Variants in PLCB1 observed in about 807,000 individuals in gnomAD.
The protein encoded by PLCB1 is 1-phosphatidylinositol 4,5-bisphosphate phosphodiesterase beta-1.
PLCB1 carries 46 observed loss-of-function variants against 161.8 expected under a neutral mutation model. That is an observed-to-expected ratio of 0.28 (90% confidence interval 0.22 to 0.36). The LOEUF (loss-of-function observed/expected upper bound fraction) is 0.36. Among genes scored for constraint, PLCB1 ranks in the 10% least tolerant of loss-of-function variants. The pLI, the probability that PLCB1 is intolerant of heterozygous loss-of-function variation, is 1.00. For missense variants in PLCB1, 1,016 were observed against 1,472.5 expected (o/e 0.69, Z 5.07); for synonymous variants, 517 against 503.7 (o/e 1.03, Z -0.35).
chr20:8,417,814 A>G (rs999023034), intron 3 of PLCB1, among the ~76,000 whole-genome samples: 1 of 152,212 alleles, frequency 6.6e-6, no homozygotes, highest in African/African-American at 2.4e-5. Flanking sequence ...CCAAATGTCC[A>G]TCTTGTACTT....
At chr20:8,622,736 T>G (rs1206584197) in intron 3 of PLCB1, among the ~76,000 whole-genome samples, 2 of 138,288 alleles carry the variant, frequency 1.4e-5, no homozygotes, top group Non-Finnish European at 3.1e-5. Context: ...TGCAATCATC[T>G]CCAAAATAAA....
At chr20:8,217,016 A>G (rs1364552996) in intron 2 of PLCB1, among the ~76,000 whole-genome samples, 1 of 152,014 alleles carries the variant, frequency 6.6e-6, no homozygotes, top group Non-Finnish European at 1.5e-5. Flanking sequence ...GTGCTTTGTC[A>G]CTCACCTTCT....
In PLCB1 at chr20:8,700,158, G is replaced by T. The variant is rs138683342; in HGVS notation, c.1167+2375G>T. On this transcript the variant is annotated intron_variant, in intron 11 of 31. Transcript: ENST00000338037. ...GATGGATGATGATGCTCCTGGAATG[G>T]CAGACAGCACGCCCTGATGGAGCTG... 5.4e-3 allele frequency among the ~76,000 whole-genome samples: 816 copies of T among 152,302 alleles called. 11 individuals are homozygous for T. The highest frequency in any genetic ancestry group is 0.019 in the African/African-American group (780 of 41,556).
chr20:8,471,803 GT>G (rs1982065907), intron 3 of PLCB1, among the ~76,000 whole-genome samples: 1 of 152,070 alleles, frequency 6.6e-6, no homozygotes, highest in Non-Finnish European at 1.5e-5. Context: ...AGCTGGGTAA[GT>G]TTCTCTCTTT....
rs1024970792 is a variant in PLCB1 at position 8,349,471 on chromosome 20, G to A, written c.178-21911G>A. 3.1e-4 allele frequency among the ~76,000 whole-genome samples: 47 copies of A among 152,304 alleles called. 1 individual carries two copies. Among genetic ancestry groups the A allele is most frequent in the Non-Finnish European group, 4.6e-4 (31 of 68,018 alleles). On this transcript the variant is annotated intron_variant, in intron 2 of 31. Transcript: ENST00000338037. Reference sequence around the variant, plus strand: ...TGTTTTCAGGAAAATTGTGCAATTAGTGTCTGAATTTATTCTATGAAGAGT... The same window carrying A: ...TGTTTTCAGGAAAATTGTGCAATTAATGTCTGAATTTATTCTATGAAGAGT...
chr20:8,593,746 C>A (rs887537062), intron 3 of PLCB1, among the ~76,000 whole-genome samples: 1 of 151,676 alleles, frequency 6.6e-6, no homozygotes, highest in African/African-American at 2.4e-5. Context: ...AAGAATGTAT[C>A]ATTTTATATA....
intron 3 of PLCB1, among the ~76,000 whole-genome samples, chr20:8,519,092 G>C (rs1372117945): frequency 6.6e-6 from 1 of 152,106 alleles, no homozygotes; most frequent in African/African-American, 2.4e-5. Flanking sequence ...GTGCAGCCTG[G>C]TTCTTAGCAG....
chr20:8,673,059 C>T (rs1007704641), intron 9 of PLCB1, among the ~76,000 whole-genome samples: 12 of 151,902 alleles, frequency 7.9e-5, no homozygotes, highest in Non-Finnish European at 1.5e-4. Context: ...TTGCAGTGAG[C>T]CGAGATCGTG....
intron 2 of PLCB1, among the ~76,000 whole-genome samples, chr20:8,323,063 C>G (rs1568631827): frequency 6.6e-6 from 1 of 152,140 alleles, no homozygotes; most frequent in Non-Finnish European, 1.5e-5. Flanking sequence ...CTATAAATCT[C>G]AGTTAACTGA....
At chr20:8,143,607 C>G (rs1360581356) in intron 1 of PLCB1, among the ~76,000 whole-genome samples, 1 of 152,090 alleles carries the variant, frequency 6.6e-6, no homozygotes, top group Non-Finnish European at 1.5e-5. Context: ...GAAGGTTTCC[C>G]TGGAAAATTC....
chr20:8,250,337 C>G (rs1981072317), intron 2 of PLCB1, among the ~76,000 whole-genome samples: 1 of 151,902 alleles, frequency 6.6e-6, no homozygotes, highest in Admixed American at 6.6e-5. Context: ...GAGAAAATCA[C>G]TTAATAATCA....
chr20:8,361,528 G>A (rs1986541823), intron 2 of PLCB1, among the ~76,000 whole-genome samples: 1 of 152,054 alleles, frequency 6.6e-6, no homozygotes, highest in Non-Finnish European at 1.5e-5. Flanking sequence ...TTGAACCAGA[G>A]AATTTGCATT....
At chr20:8,466,782 A>C (rs909188850) in intron 3 of PLCB1, among the ~76,000 whole-genome samples, 1 of 152,048 alleles carries the variant, frequency 6.6e-6, no homozygotes, top group African/African-American at 2.4e-5. Context: ...CCCCAATTTC[A>C]TGTCATGCAT....
intron 31 of PLCB1, among the ~76,000 whole-genome samples, chr20:8,804,852 G>T (rs113901440): frequency 1.3e-5 from 2 of 151,898 alleles, no homozygotes; most frequent in African/African-American, 4.8e-5. Context: ...TTAGCCGGGC[G>T]TGGTGGCAGG....
At chr20:8,836,685 A>C (rs1284516299) in intron 31 of PLCB1, among the ~76,000 whole-genome samples, 1 of 152,232 alleles carries the variant, frequency 6.6e-6, no homozygotes, top group Non-Finnish European at 1.5e-5. Context: ...CTCCTAATCA[A>C]CCACTTATAA....
intron 2 of PLCB1, among the ~76,000 whole-genome samples, chr20:8,239,092 C>A (rs1004679806): frequency 5.9e-5 from 9 of 151,816 alleles, no homozygotes; most frequent in Non-Finnish European, 1.3e-4. Flanking sequence ...TAAGTGAAAG[C>A]AGGAGGAGAT....
At chr20:8,746,982 GT>G (rs1349171327) in intron 23 of PLCB1, among the ~76,000 whole-genome samples, 1 of 152,150 alleles carries the variant, frequency 6.6e-6, no homozygotes. Context: ...TTGGAGCACA[GT>G]TTAACAAGCA....
At chr20:8,530,482 TA>T (rs1247516628) in intron 3 of PLCB1, among the ~76,000 whole-genome samples, 1 of 151,966 alleles carries the variant, frequency 6.6e-6, no homozygotes, top group Admixed American at 6.6e-5. Context: ...TTTGTATCTA[TA>T]AAAAAAGGAG....
intron 24 of PLCB1, among the ~76,000 whole-genome samples, chr20:8,759,719 C>CTT (rs1189567127): frequency 6.6e-6 from 1 of 151,846 alleles, no homozygotes; most frequent in African/African-American, 2.4e-5. Flanking sequence ...AGGCTGGTGT[C>CTT]GAGCTCCTGA....
Sources: gnomAD v4.1 joint callset for allele counts (sites outside exome capture counted in the v4.1 genomes callset) on GRCh38, gnomAD v4.1.1 for gene constraint, MANE v1.5 for transcripts, NCBI Gene and HGNC (gene_info 2026-07-23, HGNC 2026-07-21) for gene names.